Variants in RTL1 observed in about 807,000 individuals in gnomAD.
RTL1 encodes the protein retrotransposon-like protein 1.
For synonymous variants in RTL1, 727 were observed against 748.4 expected (o/e 0.97, Z 0.47); for missense variants, 1,681 against 1,767.5 (o/e 0.95, Z 0.88).
chr14:100,880,040 G>A lies in RTL1; in HGVS notation c.*672C>T, dbSNP rs1347230386. On this transcript the variant is annotated 3_prime_UTR_variant, in exon 4 of 4. Transcript: ENST00000649591. ...TCTGGTAAGTGGCACTGGTACGTCC[G>A]GATGCCCCAAAGAGCGGCTTTGTCC... is the stretch of plus-strand genomic sequence containing the variant. Among the ~76,000 whole-genome samples, 2 of 151,316 alleles carry A rather than the reference G, an allele frequency of 1.3e-5. No homozygotes were observed. Among genetic ancestry groups the A allele is most frequent in the Admixed American group, 6.6e-5 (1 of 15,198 alleles).
Position 100,881,074 on chromosome 14 carries a change from C to A in RTL1, c.3715G>T (p.Asp1239Tyr). 6.2e-7 allele frequency: 1 copy of A among 1,601,828 alleles called. No individual in the cohort carries two copies. The highest frequency in any genetic ancestry group is 8.5e-7 in the Non-Finnish European group (1 of 1,174,444). ...DVVLREALQDDLQRYRQCGLH... is the reference protein window; with the variant it reads ...DVVLREALQDYLQRYRQCGLH... ...CCACACTGACGGTAACGTTGCAGGT[C>A]GTCTTGCAGGGCTTCTCGCAAGACG... Residue 1239 changes from aspartate (D) to tyrosine (Y), a missense_variant, in exon 4 of 4, where the codon GAC becomes TAC. Asp to Tyr is a radical substitution (Grantham distance 160). Coordinates refer to ENST00000649591, the MANE Select transcript of RTL1 (RefSeq NM_001134888.3). The surrounding 1 kb of genome is among the most constrained non-coding windows in gnomAD (Gnocchi z 6.6).
At chr14:100,897,655 T>TA (rs2038878953) in intron 2 of RTL1, 1 of 164,986 alleles carries the variant, frequency 6.1e-6, no homozygotes, top group Admixed American at 6.1e-5. Flanking sequence ...CTATTCCTTA[T>TA]AACAACACCT....
chr14:100,881,744 C>G lies in RTL1; in HGVS notation c.3045G>C (p.Leu1015=), dbSNP rs897066770. 1 of 1,610,502 alleles carries G rather than the reference C, an allele frequency of 6.2e-7. No homozygotes were observed. Among genetic ancestry groups the G allele is most frequent in the African/African-American group, 1.3e-5 (1 of 74,958 alleles). Residue 1015 remains leucine (L), a synonymous_variant, in exon 4 of 4, where the codon CTG becomes CTC. Coordinates refer to ENST00000649591, the MANE Select transcript of RTL1 (RefSeq NM_001134888.3). This position sits in a 1 kb window ranked among gnomAD's most constrained non-coding sequence, Gnocchi z 6.6. ...FQRNTAARQT[L]LLASRGFPRD... The stretch of plus-strand genomic sequence containing the variant: ...TGGGGAATCCCCTTGAGGCCAGCAG[C>G]AGGGTTTGCCTGGCGGCAGTGTTCC...
Position 100,884,878 on chromosome 14 carries a change from G to T in RTL1, c.-86-4C>A. 8.1e-7 allele frequency: 1 copy of T among 1,238,478 alleles called. No homozygotes were observed. Among genetic ancestry groups the T allele is most frequent in the Non-Finnish European group, 1.1e-6 (1 of 896,102 alleles). The allele number at this position is 1,238,478 out of a possible 1,614,324, so 76.7% of individuals were successfully genotyped here. A position where few individuals can be genotyped will look rare whatever the true frequency, so the allele number is the denominator to read the frequency against. ...CTGGGACCGTGGAGATCAGAACCTG[G>T]TGGTGGAAGGGGAGTGTGGGGAGTA... On this transcript the variant is annotated splice_polypyrimidine_tract_variant and splice_region_variant and intron_variant, in intron 3 of 3. Coordinates refer to ENST00000649591, the MANE Select transcript of RTL1 (RefSeq NM_001134888.3).
chr14:100,897,954 G>C (rs1443954085), intron 2 of RTL1: 1 of 516,806 alleles, frequency 1.9e-6, no homozygotes, highest in Non-Finnish European at 3.9e-6. Context: ...ATGAACAAAA[G>C]ATCATGATTA....
chr14:100,887,429 G>A (rs1566756073), intron 3 of RTL1, among the ~76,000 whole-genome samples: 1 of 152,088 alleles, frequency 6.6e-6, no homozygotes, highest in Non-Finnish European at 1.5e-5. Context: ...CTCTACCCAA[G>A]ACAAAATTTC....
chr14:100,883,533 G>A lies in RTL1; in HGVS notation c.1256C>T (p.Pro419Leu), dbSNP rs1382543307. Residue 419 changes from proline to leucine, a missense_variant, in exon 4 of 4, where the codon CCC becomes CTC. Transcript: ENST00000649591. The surrounding 1 kb of genome is among the most constrained non-coding windows in gnomAD (Gnocchi z 5.9). ...GGCCTGGACCGCGACGCTGTGGTAG[G>A]GGTTCACTCTCACCATGAGCAGCAG... ...LFLLLMVRVN[P>L]YHSVAVQALV... 1.3e-6 allele frequency: 2 copies of A among 1,551,534 alleles called. No individual in the cohort carries two copies. The highest frequency in any genetic ancestry group is 1.2e-5 in the South Asian group (1 of 84,054).
chr14:100,897,750 G>GT (rs1187222616), intron 2 of RTL1: 64 of 161,776 alleles, frequency 4.0e-4, no homozygotes, highest in Non-Finnish European at 5.5e-4. Flanking sequence ...ACCCTGGTTG[G>GT]CGGGGGGGGG....
Position 100,881,426 on chromosome 14 carries a change from C to A in RTL1, c.3363G>T (p.Gln1121His). 6.4e-7 allele frequency: 1 copy of A among 1,550,758 alleles called. No individual in the cohort carries two copies. Among genetic ancestry groups the A allele is most frequent in the East Asian group, 2.4e-5 (1 of 40,904 alleles). Residue 1121 changes from glutamine to histidine, a missense_variant, in exon 4 of 4, where the codon CAG (glutamine) becomes CAT (histidine). Gln to His is a conservative substitution (Grantham distance 24). Coordinates refer to ENST00000649591, the MANE Select transcript of RTL1 (RefSeq NM_001134888.3). This position sits in a 1 kb window ranked among gnomAD's most constrained non-coding sequence, Gnocchi z 6.6. The stretch of plus-strand genomic sequence containing the variant: ...AATCCAGGATGAGTCGTAGGGAGCG[C>A]TGGGGCTGGGGCCGAGCCACCCGCA... ...PAMRVARPQP[Q>H]RSLRLILDSS...
chr14:100,897,508 A>C (rs917926893), intron 2 of RTL1: 4 of 152,088 alleles, frequency 2.6e-5, no homozygotes, highest in African/African-American at 9.7e-5. Flanking sequence ...GTGCATTTGC[A>C]TATGTAGATA....
chr14:100,880,792 G>A lies in RTL1; in HGVS notation c.3997C>T (p.Pro1333Ser). 6.4e-7 allele frequency: 1 copy of A among 1,550,608 alleles called. No individual in the cohort carries two copies. The highest frequency in any genetic ancestry group is 8.7e-7 in the Non-Finnish European group (1 of 1,146,950). Residue 1333 changes from proline to serine, a missense_variant, in exon 4 of 4, where the codon CCC becomes TCC. Transcript: ENST00000649591. The stretch of plus-strand genomic sequence containing the variant: ...TCCCTGGGCTGGCTCTCCCAGGCGG[G>A]GATGGGCAGGGCCCGCCTGTAGATC... ...TLIYRRALPI[P>S]AWESQPREQA...
chr14:100,900,350 G>A (rs1015422761), intron 2 of RTL1, among the ~76,000 whole-genome samples: 6 of 152,322 alleles, frequency 3.9e-5, no homozygotes, highest in African/African-American at 1.4e-4. Flanking sequence ...TGACTTGCAC[G>A]TTGCCCTTTA....
At position 100,893,666 on chromosome 14, in the gene RTL1, G is replaced by A. The variant is rs566769906; in HGVS notation, c.-148-161C>T. Among the ~76,000 whole-genome samples the A allele has an allele frequency of 6.6e-6, 1 of 152,200 alleles. No homozygotes were observed. Among genetic ancestry groups the A allele is most frequent in the Non-Finnish European group, 1.5e-5 (1 of 68,022 alleles). ...TGTGAGCTTTTTTCCACGTGGCTAC[G>A]TTGGGGACCTCCGTGATGCTTCCTG... On this transcript the variant is annotated intron_variant, in intron 2 of 3. Coordinates refer to ENST00000649591, the MANE Select transcript of RTL1 (RefSeq NM_001134888.3). This position sits in a 1 kb window ranked among gnomAD's most constrained non-coding sequence, Gnocchi z 4.2.
At position 100,879,808 on chromosome 14, in the gene RTL1, CGG is replaced by C. The variant is rs1412825832; in HGVS notation, c.*902_*903del. On this transcript the variant is annotated 3_prime_UTR_variant, in exon 4 of 4. Coordinates refer to ENST00000649591, the MANE Select transcript of RTL1 (RefSeq NM_001134888.3). ...AAAAAGATTGGGGGGTGAGAAAGCTCGGGGGGTGGGGAAGGGTCTACTCCCCT... is the reference window on the plus strand; with the variant it reads ...AAAAAGATTGGGGGGTGAGAAAGCTCGGGGTGGGGAAGGGTCTACTCCCCT... Among the ~76,000 whole-genome samples, 1 of 148,118 alleles carries C rather than the reference CGG, an allele frequency of 6.8e-6. No homozygotes were observed. The highest frequency in any genetic ancestry group is 1.5e-5 in the Non-Finnish European group (1 of 66,688).
intron 2 of RTL1, among the ~76,000 whole-genome samples, chr14:100,900,003 A>C (rs2038920399): frequency 6.6e-6 from 1 of 152,236 alleles, no homozygotes; most frequent in African/African-American, 2.4e-5. Flanking sequence ...TCCCAGGGAA[A>C]AGTGTGCTTT....
chr14:100,884,074 C>A lies in RTL1; in HGVS notation c.715G>T (p.Gly239Cys). 1.9e-6 allele frequency: 3 copies of A among 1,551,744 alleles called. No homozygotes were observed. Among genetic ancestry groups the A allele is most frequent in the Non-Finnish European group, 2.6e-6 (3 of 1,147,012 alleles). The change falls in exon 4 of 4, where the codon GGC becomes TGC. Residue 239 changes from glycine to cysteine, a missense_variant. By Grantham distance (159) the Gly-to-Cys change is radical (BLOSUM62 -3). Transcript: ENST00000649591. ...RMFYNDRLRV[G>C]YVINHLSGLA... ...CCGGACAGGTGATTGATGACATAGC[C>A]AACTCTCAGACGGTCGTTATAGAAC...
At chr14:100,895,083 A>T (rs1418342754) in intron 2 of RTL1, 2 of 152,266 alleles carry the variant, frequency 1.3e-5, no homozygotes, top group African/African-American at 4.8e-5. Context: ...CCCTTTTGGG[A>T]GACAGGGTCT....
chr14:100,888,836 C>G (rs890778883), intron 3 of RTL1, among the ~76,000 whole-genome samples: 13 of 152,116 alleles, frequency 8.5e-5, no homozygotes, highest in Admixed American at 8.5e-4. Context: ...TGATTAAAAT[C>G]TTTCAACTTT....
chr14:100,881,072 G>T lies in RTL1; in HGVS notation c.3717C>A (p.Asp1239Glu). The change falls in exon 4 of 4, where the codon GAC (aspartate) becomes GAA (glutamate). Residue 1239 changes from aspartate to glutamate, a missense_variant. By Grantham distance (45) the Asp-to-Glu change is conservative. Coordinates refer to ENST00000649591, the MANE Select transcript of RTL1 (RefSeq NM_001134888.3). This position sits in a 1 kb window ranked among gnomAD's most constrained non-coding sequence, Gnocchi z 6.6. The part of the protein sequence containing the change: ...DVVLREALQD[D>E]LQRYRQCGLH... ...GGCCACACTGACGGTAACGTTGCAGGTCGTCTTGCAGGGCTTCTCGCAAGA... is the reference window on the plus strand; with the variant it reads ...GGCCACACTGACGGTAACGTTGCAGTTCGTCTTGCAGGGCTTCTCGCAAGA... 1 of 1,602,462 alleles carries T rather than the reference G, an allele frequency of 6.2e-7. No homozygotes were observed. Among genetic ancestry groups the T allele is most frequent in the Non-Finnish European group, 8.5e-7 (1 of 1,174,722 alleles).
Sources: gnomAD v4.1 joint callset for allele counts (sites outside exome capture counted in the v4.1 genomes callset) on GRCh38, gnomAD v4.1.1 for gene constraint, Gnocchi (gnomAD v3.1) non-coding constraint, MANE v1.5 for transcripts, NCBI Gene and HGNC (gene_info 2026-07-23, HGNC 2026-07-21) for gene names.